PTPN14: variants seen among roughly 807,000 people sequenced by gnomAD.
PTPN14 encodes the protein tyrosine-protein phosphatase non-receptor type 14.
Under a neutral mutation model 126.8 loss-of-function variants are expected in PTPN14, and 53 were observed. The observed-to-expected ratio is 0.42, with a 90% CI of 0.34 to 0.53. The LOEUF (loss-of-function observed/expected upper bound fraction) is 0.53, where lower values mean the gene tolerates loss of function less well. PTPN14 is among the 20% of genes least tolerant of loss of function. The probability of loss-of-function intolerance (pLI) is 0.08; values close to 1 mark genes in which losing one functional copy is unlikely to be tolerated. For synonymous variants in PTPN14, 630 were observed against 599.3 expected (o/e 1.05, Z -0.75); for missense variants, 1,257 against 1,552.9 (o/e 0.81, Z 3.20).
intron 3 of PTPN14, among the ~76,000 whole-genome samples, chr1:214,441,024 C>T (rs2102620547): frequency 6.6e-6 from 1 of 152,294 alleles, no homozygotes; most frequent in Non-Finnish European, 1.5e-5. Context: ...TGGAACTAAA[C>T]TCCCTGTTAC....
chr1:214,529,822 T>C (rs1397434099), intron 1 of PTPN14: 1 of 152,340 alleles, frequency 6.6e-6, no homozygotes, highest in African/African-American at 2.4e-5. Context: ...AGGTGGAGGT[T>C]GCAGTGAGCC....
At position 214,477,646 on chromosome 1, in the gene PTPN14, C is replaced by A. The variant is rs534777966; in HGVS notation, c.-154-12689G>T. On this transcript the variant is annotated intron_variant, in intron 1 of 18. Coordinates refer to ENST00000366956, the MANE Select transcript of PTPN14 (RefSeq NM_005401.5). Reference sequence around the variant, plus strand: ...TTCAGCTGCTTGCATCCGTGCTGAGCAAGCCTGGGCCTCTAGAGATGAGAT... The same window carrying A: ...TTCAGCTGCTTGCATCCGTGCTGAGAAAGCCTGGGCCTCTAGAGATGAGAT... 7.2e-5 allele frequency among the ~76,000 whole-genome samples: 11 copies of A among 152,300 alleles called. 1 individual carries two copies. In the South Asian group the frequency reaches 2.1e-3, roughly 29 times the overall value.
intron 1 of PTPN14, among the ~76,000 whole-genome samples, chr1:214,502,096 A>G (rs1330418680): frequency 6.6e-6 from 1 of 151,594 alleles, no homozygotes; most frequent in Non-Finnish European, 1.5e-5. Context: ...TATTTTTCAA[A>G]CCACTTTATA....
intron 1 of PTPN14, among the ~76,000 whole-genome samples, chr1:214,484,307 G>A (rs1031339167): frequency 2.0e-5 from 3 of 152,162 alleles, no homozygotes; most frequent in Admixed American, 6.5e-5. Flanking sequence ...AGGAAGCTGG[G>A]GCAAGAGAAT....
rs570084982 is a variant in PTPN14 at position 214,542,365 on chromosome 1, T to C, written c.-155+8818A>G. On this transcript the variant is annotated intron_variant, in intron 1 of 18. Coordinates refer to ENST00000366956, the MANE Select transcript of PTPN14 (RefSeq NM_005401.5). ...GCCCGCACCAAGAGAGGGGACAGCA[T>C]ACACAAAGTGGTGCCACAACAGGTG... is the stretch of plus-strand genomic sequence containing the variant. 3.8e-4 allele frequency among the ~76,000 whole-genome samples: 58 copies of C among 152,290 alleles called. 1 individual carries two copies. In the South Asian group the frequency reaches 7.5e-3, roughly 20 times the overall value.
At chr1:214,382,674 G>A (rs1658501391) in intron 13 of PTPN14, among the ~76,000 whole-genome samples, 1 of 152,194 alleles carries the variant, frequency 6.6e-6, no homozygotes. Flanking sequence ...CTAGTACTAG[G>A]ATGGATCTTC....
intron 3 of PTPN14, among the ~76,000 whole-genome samples, chr1:214,417,938 C>G (rs575980745): frequency 6.6e-6 from 1 of 152,274 alleles, no homozygotes; most frequent in Admixed American, 6.5e-5. Context: ...TACTACCACC[C>G]TAGGATGCAA....
chr1:214,410,276 CT>C (rs148695814), intron 5 of PTPN14, among the ~76,000 whole-genome samples: 11 of 149,494 alleles, frequency 7.4e-5, no homozygotes, highest in Non-Finnish European at 1.0e-4. Context: ...ACTTTCAGGT[CT>C]TACATTTAAG....
chr1:214,419,293 G>T (rs1482213235), intron 3 of PTPN14, among the ~76,000 whole-genome samples: 1 of 152,080 alleles, frequency 6.6e-6, no homozygotes, highest in Non-Finnish European at 1.5e-5. Context: ...CACGGCTCCT[G>T]GTCTGCTCTT....
intron 1 of PTPN14, among the ~76,000 whole-genome samples, chr1:214,507,524 T>C (rs2102439409): frequency 6.6e-6 from 1 of 152,348 alleles, no homozygotes; most frequent in East Asian, 1.9e-4. Context: ...GAACACCTTT[T>C]AACAATGAAA....
At chr1:214,395,234 A>G (rs938548968) in intron 8 of PTPN14, among the ~76,000 whole-genome samples, 1 of 152,186 alleles carries the variant, frequency 6.6e-6, no homozygotes, top group African/African-American at 2.4e-5. Flanking sequence ...GTGACTAGCA[A>G]TGAGGAAAAT....
At chr1:214,524,381 G>A (rs1253674330) in intron 1 of PTPN14, among the ~76,000 whole-genome samples, 1 of 152,064 alleles carries the variant, frequency 6.6e-6, no homozygotes, top group Non-Finnish European at 1.5e-5. Flanking sequence ...GCTGGGCGTG[G>A]TGGCTCATGC....
At chr1:214,436,431 C>G (rs78660341) in intron 3 of PTPN14, among the ~76,000 whole-genome samples, 6,111 of 152,190 alleles carry the variant, frequency 0.04, 403 homozygotes, top group African/African-American at 0.14. Flanking sequence ...CTTTTACCTG[C>G]CATTTGCCAA....
chr1:214,414,980 C>T (rs1024119841), intron 3 of PTPN14, among the ~76,000 whole-genome samples: 6 of 152,132 alleles, frequency 3.9e-5, no homozygotes, highest in African/African-American at 9.7e-5. Flanking sequence ...TGTAGGCCAG[C>T]GGGATAAACC....
At chr1:214,461,049 G>C (rs1660499593) in intron 2 of PTPN14, among the ~76,000 whole-genome samples, 3 of 152,028 alleles carry the variant, frequency 2.0e-5, no homozygotes, top group Non-Finnish European at 4.4e-5. Flanking sequence ...TACATGCACG[G>C]GGCCAGGGGT....
chr1:214,482,147 C>T (rs1661004872), intron 1 of PTPN14, among the ~76,000 whole-genome samples: 1 of 151,632 alleles, frequency 6.6e-6, no homozygotes, highest in African/African-American at 2.4e-5. Context: ...TGATGCTAAA[C>T]ACTATCAAAT....
At chr1:214,371,932 C>T (rs1040978304) in intron 16 of PTPN14, among the ~76,000 whole-genome samples, 36 of 152,130 alleles carry the variant, frequency 2.4e-4, no homozygotes, top group African/African-American at 8.5e-4. Flanking sequence ...AAGGCCACTG[C>T]AATACCATGG....
At chr1:214,453,203 C>G (rs1413425435) in intron 2 of PTPN14, among the ~76,000 whole-genome samples, 1 of 152,208 alleles carries the variant, frequency 6.6e-6, no homozygotes, top group Non-Finnish European at 1.5e-5. Flanking sequence ...ATTTCTTGAG[C>G]AACAAAATGC....
chr1:214,428,196 G>A (rs576721673), intron 3 of PTPN14, among the ~76,000 whole-genome samples: 1 of 152,312 alleles, frequency 6.6e-6, no homozygotes, highest in South Asian at 2.1e-4. Context: ...AGGTTACAGT[G>A]GACGCAGAAG....
Sources: gnomAD v4.1 joint callset for allele counts (sites outside exome capture counted in the v4.1 genomes callset) on GRCh38, gnomAD v4.1.1 for gene constraint, MANE v1.5 for transcripts, NCBI Gene and HGNC (gene_info 2026-07-23, HGNC 2026-07-21) for gene names.